The following SF3B1 variants were observed in gnomAD, a reference collection of about 807,000 sequenced individuals.
The protein encoded by SF3B1 is pre-mRNA processing 10.
SF3B1 carries 12 observed loss-of-function variants against 153.8 expected under a neutral mutation model. The ratio of observed to expected loss-of-function variants is 0.08; its 90% confidence interval spans 0.05 to 0.13. The LOEUF (loss-of-function observed/expected upper bound fraction) is 0.13, where lower values mean the gene tolerates loss of function less well. SF3B1 is among the 10% of genes least tolerant of loss of function. The probability of loss-of-function intolerance (pLI) is 1.00; values close to 1 mark genes in which losing one functional copy is unlikely to be tolerated. For missense variants in SF3B1, 513 were observed against 1,606.1 expected, an observed-to-expected ratio of 0.32 and a Z score of 11.63; for synonymous variants, 498 against 525.2, an observed-to-expected ratio of 0.95 and a Z score of 0.71.
At chr2:197,418,280 A>G (rs530101408) in intron 5 of SF3B1, among the ~76,000 whole-genome samples, 1 of 140,524 alleles carries the variant, frequency 7.1e-6, no homozygotes, top group South Asian at 2.3e-4. Context: ...TGTGAGACAC[A>G]TACATACAAA....
chr2:197,399,726 G>T (rs115318931), intron 20 of SF3B1, among the ~76,000 whole-genome samples: 1 of 152,024 alleles, frequency 6.6e-6, no homozygotes, highest in Admixed American at 6.6e-5. Context: ...TTTTCACCCC[G>T]CAGCAGAACA....
At chr2:197,425,418 A>T (rs2085318111) in intron 1 of SF3B1, among the ~76,000 whole-genome samples, 1 of 152,226 alleles carries the variant, frequency 6.6e-6, no homozygotes, top group Admixed American at 6.5e-5. Context: ...GTAAGTCGAG[A>T]TCACGCCATT....
At chr2:197,424,978 G>A (rs1234237814) in intron 1 of SF3B1, among the ~76,000 whole-genome samples, 3 of 152,072 alleles carry the variant, frequency 2.0e-5, no homozygotes, top group African/African-American at 7.2e-5. Context: ...TAGCCAAGAT[G>A]GTGAAACCTC....
In SF3B1 at chr2:197,409,762, A is replaced by G. The variant is rs2085041702; in HGVS notation, c.904+8T>C. 6.2e-7 allele frequency: 1 copy of G among 1,600,020 alleles called. No homozygotes were observed. Among genetic ancestry groups the G allele is most frequent in the Non-Finnish European group, 8.6e-7 (1 of 1,167,290 alleles). On this transcript the variant is annotated splice_region_variant and intron_variant, in intron 7 of 24. Transcript: ENST00000335508. The stretch of plus-strand genomic sequence containing the variant: ...TTCACCCACACACCCATACTCCACT[A>G]GAAGTACCTCTCTCTGTTTTGGGGG...
At chr2:197,435,053 T>C (rs2106031417), upstream of SF3B1, 3 of 1,613,802 alleles carry the variant, frequency 1.9e-6, no homozygotes, top group Non-Finnish European at 2.5e-6. Flanking sequence ...CTTCCGCTCG[T>C]CGCCGCCGCC....
At chr2:197,393,455 CT>C (rs762933389) in intron 23 of SF3B1, 25,291 of 306,842 alleles carry the variant, frequency 0.082, 1 homozygote, top group South Asian at 0.14. Context: ...TTCTAATTAA[CT>C]TTTTTTTTTT....
Position 197,416,914 on chromosome 2 carries a change from G to GA in SF3B1, c.496-4dup. On this transcript the variant is annotated splice_polypyrimidine_tract_variant and splice_region_variant and intron_variant, in intron 5 of 24. Coordinates refer to ENST00000335508, the MANE Select transcript of SF3B1 (RefSeq NM_012433.4). ...GCTAGCTGTTGCCTAATTTCTCGCT[G>GA]AAAAAAACAGTGAGTATTTACCTTT... The GA allele has an allele frequency of 4.4e-6, 7 of 1,606,148 alleles. No homozygotes were observed. Among genetic ancestry groups the GA allele is most frequent in the East Asian group, 2.2e-5 (1 of 44,812 alleles).
intron 1 of SF3B1, among the ~76,000 whole-genome samples, chr2:197,434,765 A>G (rs1308504237): frequency 1.3e-5 from 2 of 152,324 alleles, no homozygotes; most frequent in African/African-American, 4.8e-5. Flanking sequence ...CAAACACTGA[A>G]CAAAGCGCCT....
chr2:197,397,347 T>C (rs1016535128), intron 22 of SF3B1, among the ~76,000 whole-genome samples: 2 of 152,128 alleles, frequency 1.3e-5, no homozygotes, highest in Non-Finnish European at 2.9e-5. Context: ...AATGATGTTG[T>C]GAGACTAAAA....
chr2:197,408,694 A>C (rs1330001532), intron 7 of SF3B1, 113 bp from the exon 8 acceptor site: 1 of 758,334 alleles, frequency 1.3e-6, no homozygotes, highest in Non-Finnish European at 2.2e-6. Flanking sequence ...GAATATTCCT[A>C]AAATGGTGAC....
At chr2:197,405,055 A>G (rs1231931701) in intron 11 of SF3B1, 21 bp downstream of exon 11, 2 of 1,478,628 alleles carry the variant, frequency 1.4e-6, no homozygotes, top group African/African-American at 2.8e-5. Context: ...AAACATGACA[A>G]TTTAACAAAC....
intron 1 of SF3B1, among the ~76,000 whole-genome samples, chr2:197,426,706 A>G (rs1362969887): frequency 1.3e-5 from 2 of 152,068 alleles, no homozygotes; most frequent in Non-Finnish European, 2.9e-5. Flanking sequence ...CTGAAACTCC[A>G]ACTCAGGCTG....
At chr2:197,406,246 AT>A (rs1559267603) in intron 9 of SF3B1, among the ~76,000 whole-genome samples, 1 of 151,754 alleles carries the variant, frequency 6.6e-6, no homozygotes, top group African/African-American at 2.4e-5. Flanking sequence ...TCTATTTTAT[AT>A]AATTTAATAT....
Position 197,402,363 on chromosome 2 carries a change from C to A in SF3B1, c.2077+193G>T, listed in dbSNP as rs191038687. 1.7e-3 allele frequency: 1,156 copies of A among 699,278 alleles called. 5 individuals carry two copies. The highest frequency in any genetic ancestry group is 2.7e-3 in the Admixed American group (91 of 34,040). 43.3% of individuals were successfully genotyped at this position (699,278 alleles called of 1,614,324 possible). A position where few individuals can be genotyped will look rare whatever the true frequency, so the allele number is the denominator to read the frequency against. On this transcript the variant is annotated intron_variant, in intron 14 of 24. Transcript: ENST00000335508. This position sits in a 1 kb window ranked among gnomAD's most constrained non-coding sequence, Gnocchi z 4.6. ...TGCCTTTCCATTTATCTCCCCAAAT[C>A]AGTAGCCCAAATTTTAGGACAGCTG...
chr2:197,393,940 T>C (rs1161956493), intron 23 of SF3B1, among the ~76,000 whole-genome samples: 1 of 152,088 alleles, frequency 6.6e-6, no homozygotes. Context: ...TCCTAGCGCT[T>C]TGGGAGGCCG....
chr2:197,434,960 A>T lies in SF3B1; in HGVS notation c.28+12T>A. On this transcript the variant is annotated intron_variant, in intron 1 of 24. Transcript: ENST00000335508. ...AACGAAGAAAACACGTAAGCAGGGA[A>T]AGACCGCTTACCTTCGTGAGTCTTG... The T allele has an allele frequency of 2.5e-6, 4 of 1,613,358 alleles. No homozygotes were observed. Among genetic ancestry groups the T allele is most frequent in the Non-Finnish European group, 2.5e-6 (3 of 1,179,206 alleles).
intron 22 of SF3B1, among the ~76,000 whole-genome samples, chr2:197,397,730 G>A (rs1162541859): frequency 1.3e-5 from 2 of 152,066 alleles, no homozygotes; most frequent in Non-Finnish European, 1.5e-5. Flanking sequence ...CTGGGAGGCG[G>A]TGGTTGCAGT....
intron 1 of SF3B1, among the ~76,000 whole-genome samples, chr2:197,430,939 C>T (rs770976782): frequency 6.6e-5 from 10 of 152,030 alleles, no homozygotes; most frequent in Non-Finnish European, 1.0e-4. Context: ...GGATTACATG[C>T]GTGAGCAACC....
chr2:197,403,104 T>C, intron 12 of SF3B1, 69 bp from the exon 13 acceptor site: 1 of 1,102,240 alleles, frequency 9.1e-7, no homozygotes, highest in Non-Finnish European at 1.3e-6. Context: ...ATGTACAGAA[T>C]TAAACATACA....
Sources: allele counts gnomAD v4.1 joint callset (sites outside exome capture counted in the v4.1 genomes callset), GRCh38; gene constraint gnomAD v4.1.1; non-coding constraint Gnocchi (gnomAD v3.1); transcripts MANE v1.5; gene names NCBI Gene and HGNC (gene_info 2026-07-23, HGNC 2026-07-21).